The following SLC35E1 variants were observed in gnomAD, a reference collection of about 807,000 sequenced individuals.
SLC35E1 encodes the protein solute carrier family 35 member E1.
Under a neutral mutation model 31.0 loss-of-function variants are expected in SLC35E1, and 12 were observed. That is an observed-to-expected ratio of 0.39 (90% CI 0.25 to 0.63). SLC35E1 has a LOEUF of 0.63. Among genes scored for constraint, SLC35E1 ranks in the 20% least tolerant of loss-of-function variants. The pLI is 0.52. For synonymous variants in SLC35E1, 257 were observed against 264.1 expected (o/e 0.97, Z 0.26); for missense variants, 429 against 572.2 (o/e 0.75, Z 2.55).
intron 3 of SLC35E1, among the ~76,000 whole-genome samples, chr19:16,566,953 T>C (rs190592031): frequency 6.6e-6 from 1 of 152,230 alleles, no homozygotes; most frequent in Non-Finnish European, 1.5e-5. Flanking sequence ...TGAATTGGTA[T>C]AACCTTTCTA....
intron 4 of SLC35E1, among the ~76,000 whole-genome samples, chr19:16,563,255 C>T (rs932983739): frequency 2.0e-5 from 3 of 151,162 alleles, no homozygotes; most frequent in Non-Finnish European, 2.9e-5. Flanking sequence ...ATCCGGGAGG[C>T]GGAGGCTGCA....
At chr19:16,566,460 C>T (rs1424871312) in intron 4 of SLC35E1, 72 bp downstream of exon 4, 2 of 1,594,640 alleles carry the variant, frequency 1.3e-6, no homozygotes, top group African/African-American at 2.7e-5. Flanking sequence ...CATGCAGCTA[C>T]AGCTCCTCAA....
At chr19:16,556,313 G>A (rs1339287265) in intron 4 of SLC35E1, among the ~76,000 whole-genome samples, 1 of 151,216 alleles carries the variant, frequency 6.6e-6, no homozygotes, top group Non-Finnish European at 1.5e-5. Flanking sequence ...TTCGAGGGCA[G>A]CCTGGGCAAC....
At chr19:16,560,168 CAT>C (rs1327373341) in intron 4 of SLC35E1, among the ~76,000 whole-genome samples, 1 of 152,176 alleles carries the variant, frequency 6.6e-6, no homozygotes, top group African/African-American at 2.4e-5. Context: ...CTCATCCTCA[CAT>C]GTGTGACGCT....
chr19:16,560,894 A>AAAAAAAAAAAACCAAAAGAAAAAAAC (rs1282867880), intron 4 of SLC35E1, among the ~76,000 whole-genome samples: 26 of 143,602 alleles, frequency 1.8e-4, no homozygotes, highest in African/African-American at 6.5e-4. Flanking sequence ...AAAAAAAAAA[A>AAAAAAAAAAAACCAAAAGAAAAAAAC]AAAAAAGAGA....
chr19:16,568,889 A>G (rs2085944564), intron 2 of SLC35E1, among the ~76,000 whole-genome samples: 1 of 151,886 alleles, frequency 6.6e-6, no homozygotes, highest in Non-Finnish European at 1.5e-5. Flanking sequence ...GGCACACTCC[A>G]CTGATGCCTT....
Position 16,572,415 on chromosome 19 carries a change from C to A in SLC35E1, c.-51G>T. The A allele has an allele frequency of 1.0e-6, 1 of 971,316 alleles. No homozygotes were observed. The highest frequency in any genetic ancestry group is 1.2e-6 in the Non-Finnish European group (1 of 816,998). 60.2% of individuals were successfully genotyped at this position (971,316 alleles called of 1,614,324 possible). The stretch of plus-strand genomic sequence containing the variant: ...GCCCGTCCGACGGCCCGACGCCGGG[C>A]GGGGGCGGGGCTGGGCGGGGGGGCA... On this transcript the variant is annotated 5_prime_UTR_variant, in exon 1 of 6. Coordinates refer to ENST00000595753, the MANE Select transcript of SLC35E1 (RefSeq NM_024881.5). The surrounding 1 kb of genome is among the most constrained non-coding windows in gnomAD (Gnocchi z 4.1).
At chr19:16,561,038 TAA>T (rs796591473) in intron 4 of SLC35E1, among the ~76,000 whole-genome samples, 4 of 132,318 alleles carry the variant, frequency 3.0e-5, no homozygotes, top group African/African-American at 2.8e-5. Context: ...CCATCTCTAC[TAA>T]AAAAAAAAAA....
At chr19:16,556,487 C>A (rs957071671) in intron 4 of SLC35E1, among the ~76,000 whole-genome samples, 3 of 152,092 alleles carry the variant, frequency 2.0e-5, no homozygotes, top group Admixed American at 1.3e-4. Flanking sequence ...CCAGCCTGGG[C>A]GACAGTGTAA....
chr19:16,570,457 C>A (rs988823963), intron 2 of SLC35E1, among the ~76,000 whole-genome samples: 3 of 152,206 alleles, frequency 2.0e-5, no homozygotes, highest in African/African-American at 7.2e-5. Flanking sequence ...AAAAGAGGCA[C>A]GGTGTCCAGC....
rs77094216 is a variant in SLC35E1 at position 16,553,411 on chromosome 19, G to A, written c.*268C>T. ...ACAACGTGGCCAAGATCTCCGCAGG[G>A]ACACGGCCCTCAGATGACAGACTCC... On this transcript the variant is annotated 3_prime_UTR_variant, in exon 6 of 6. Transcript: ENST00000595753. 590 of 300,794 alleles carry A rather than the reference G, an allele frequency of 2.0e-3. 2 individuals are homozygous for A. The highest frequency in any genetic ancestry group is 0.012 in the African/African-American group (542 of 46,524). 18.6% of individuals were successfully genotyped at this position (300,794 alleles called of 1,614,324 possible). A position where few individuals can be genotyped will look rare whatever the true frequency, so the allele number is the denominator to read the frequency against.
chr19:16,571,394 C>T, intron 2 of SLC35E1, 118 bp downstream of exon 2: 1 of 1,016,266 alleles, frequency 9.8e-7, no homozygotes, highest in Non-Finnish European at 1.6e-6. Flanking sequence ...ACACTGACTT[C>T]CCTATTTGAC....
chr19:16,565,690 G>A (rs1009443174), intron 4 of SLC35E1: 8 of 150,764 alleles, frequency 5.3e-5, no homozygotes, highest in African/African-American at 2.0e-4. Flanking sequence ...GCTAATTTTT[G>A]TATTTTTGGG....
At chr19:16,557,071 C>A (rs1229622466) in intron 4 of SLC35E1, 1 of 434,286 alleles carries the variant, frequency 2.3e-6, no homozygotes, top group Non-Finnish European at 4.8e-6. Context: ...GATTTCCATG[C>A]TATTTTCTTC....
chr19:16,565,232 C>T (rs1238137686), intron 4 of SLC35E1: 5 of 411,766 alleles, frequency 1.2e-5, no homozygotes, highest in African/African-American at 2.1e-5. Flanking sequence ...TTTTTTGAGA[C>T]GGAGCTTCAC....
At chr19:16,553,996 G>T in intron 5 of SLC35E1, 87 bp from the exon 6 acceptor site, 1 of 1,207,790 alleles carries the variant, frequency 8.3e-7, no homozygotes, top group Non-Finnish European at 1.1e-6. Context: ...TGGCTGCGGT[G>T]GCTCACACCT....
chr19:16,569,258 C>T (rs2085946253), intron 2 of SLC35E1, among the ~76,000 whole-genome samples: 3 of 152,042 alleles, frequency 2.0e-5, no homozygotes, highest in South Asian at 2.1e-4. Context: ...CTCTTGACCT[C>T]GTGATCTGCC....
intron 4 of SLC35E1, chr19:16,556,863 G>C: frequency 2.1e-6 from 1 of 471,290 alleles, no homozygotes; most frequent in South Asian, 1.5e-5. Context: ...GACACGCTTA[G>C]GCGACCAGCT....
chr19:16,560,031 T>C (rs936880937), intron 4 of SLC35E1, among the ~76,000 whole-genome samples: 2 of 152,182 alleles, frequency 1.3e-5, no homozygotes, highest in Non-Finnish European at 2.9e-5. Context: ...ATGTCAGTTA[T>C]GTTTTCAAAG....
Sources: allele counts gnomAD v4.1 joint callset (sites outside exome capture counted in the v4.1 genomes callset), GRCh38; gene constraint gnomAD v4.1.1; non-coding constraint Gnocchi (gnomAD v3.1); transcripts MANE v1.5; gene names NCBI Gene and HGNC (gene_info 2026-07-23, HGNC 2026-07-21).